ITFG1: variants seen among roughly 807,000 people sequenced by gnomAD.
ITFG1 encodes T-cell immunomodulatory protein.
ITFG1 carries 34 observed loss-of-function variants against 81.8 expected under a neutral mutation model. The observed-to-expected ratio is 0.42, with a 90% CI of 0.32 to 0.55. The LOEUF is 0.55. Among genes scored for constraint, ITFG1 ranks in the 20% least tolerant of loss-of-function variants. The pLI, the probability that ITFG1 is intolerant of heterozygous loss-of-function variation, is 0.17. For synonymous variants in ITFG1, 285 were observed against 270.6 expected, an observed-to-expected ratio of 1.05 and a Z score of -0.52; for missense variants, 672 against 755.4, an observed-to-expected ratio of 0.89 and a Z score of 1.29.
intron 12 of ITFG1, among the ~76,000 whole-genome samples, chr16:47,244,628 T>C (rs1965977264): frequency 6.7e-6 from 1 of 150,360 alleles, no homozygotes. Context: ...TGTGTGTGTG[T>C]GTGTGTGTGT....
chr16:47,441,109 C>G lies in ITFG1; in HGVS notation c.560+10287G>C, dbSNP rs570228383. On this transcript the variant is annotated intron_variant, in intron 5 of 17. Transcript: ENST00000320640. ...ATGGATAAATTCCTCGACACATACA[C>G]CCTCCCAAGACTAAACCAGGAAGAA... 3.9e-5 allele frequency among the ~76,000 whole-genome samples: 6 copies of G among 152,266 alleles called. No individual in the cohort carries two copies. In the East Asian group the frequency reaches 1.2e-3, roughly 29 times the overall value.
chr16:47,281,565 A>G (rs1285038931), intron 10 of ITFG1, among the ~76,000 whole-genome samples: 1 of 152,184 alleles, frequency 6.6e-6, no homozygotes, highest in Admixed American at 6.5e-5. Flanking sequence ...ATAGTTATAC[A>G]ATGGTTCCTA....
chr16:47,361,788 C>T (rs1461306708), intron 8 of ITFG1, among the ~76,000 whole-genome samples: 3 of 152,130 alleles, frequency 2.0e-5, no homozygotes, highest in Non-Finnish European at 4.4e-5. Flanking sequence ...TCTTCTTTTG[C>T]ATTATATTTT....
chr16:47,227,799 T>C (rs959840976), intron 13 of ITFG1, among the ~76,000 whole-genome samples: 3 of 152,210 alleles, frequency 2.0e-5, no homozygotes, highest in African/African-American at 7.2e-5. Flanking sequence ...ATAGCTATTA[T>C]ATGATAGAAA....
Position 47,218,929 on chromosome 16 carries a change from T to G in ITFG1, c.1392A>C (p.Gln464His), listed in dbSNP as rs536103526. Residue 464 changes from glutamine to histidine, a missense_variant, in exon 14 of 18, where the codon CAA (glutamine) becomes CAC (histidine). Transcript: ENST00000320640. ...TTGTATACATGATATAAGGTCCAGG[T>G]TGATTCACTCCAAAGGGCTGCAATA... ...PRKITPFGVN[Q>H]PGPYIMYTTV... 1.9e-5 allele frequency: 31 copies of G among 1,599,186 alleles called. No individual in the cohort carries two copies. Among genetic ancestry groups the G allele is most frequent in the Non-Finnish European group, 2.4e-5 (28 of 1,172,522 alleles).
chr16:47,381,054 A>G (rs1479134689), intron 6 of ITFG1, among the ~76,000 whole-genome samples: 1 of 152,224 alleles, frequency 6.6e-6, no homozygotes, highest in Non-Finnish European at 1.5e-5. Flanking sequence ...ATCTCCATTC[A>G]TAGCTTGAAA....
At chr16:47,397,690 A>G (rs1162986427) in intron 6 of ITFG1, among the ~76,000 whole-genome samples, 2 of 152,220 alleles carry the variant, frequency 1.3e-5, no homozygotes, top group Admixed American at 1.3e-4. Flanking sequence ...AAGTGTCAAC[A>G]GTACCACGAT....
chr16:47,211,929 CTT>C (rs879323306), intron 14 of ITFG1, among the ~76,000 whole-genome samples: 3 of 144,614 alleles, frequency 2.1e-5, no homozygotes, highest in Non-Finnish European at 1.5e-5. Flanking sequence ...TTTTTTCTTT[CTT>C]TTTTTTTTTG....
chr16:47,207,243 C>T (rs1443518685), intron 14 of ITFG1, among the ~76,000 whole-genome samples: 2 of 152,138 alleles, frequency 1.3e-5, no homozygotes, highest in Non-Finnish European at 2.9e-5. Flanking sequence ...CCACCATGCC[C>T]ATTTAATTTT....
At position 47,252,561 on chromosome 16, in the gene ITFG1, C is replaced by T. The variant is rs555323927; in HGVS notation, c.1330+6071G>A. On this transcript the variant is annotated intron_variant, in intron 12 of 17. Coordinates refer to ENST00000320640, the MANE Select transcript of ITFG1 (RefSeq NM_030790.5). The stretch of plus-strand genomic sequence containing the variant: ...CAGGAATAACAATAAAAGATGAGAG[C>T]TAGTAACTAGTCTTGATTCAGGGGA... Among the ~76,000 whole-genome samples the T allele has an allele frequency of 8.5e-5, 13 of 152,280 alleles. 1 individual carries two copies. The South Asian group carries it at 1.5e-3, about 17-fold the overall frequency.
chr16:47,237,122 C>T (rs1965886205), intron 13 of ITFG1, among the ~76,000 whole-genome samples: 1 of 152,148 alleles, frequency 6.6e-6, no homozygotes, highest in Non-Finnish European at 1.5e-5. Context: ...GAGGTGTTGC[C>T]CCCAGTTTGA....
intron 10 of ITFG1, among the ~76,000 whole-genome samples, chr16:47,288,696 C>T (rs1596863257): frequency 2.0e-5 from 3 of 151,976 alleles, no homozygotes; most frequent in Admixed American, 6.6e-5. Context: ...CTCAGGAGTT[C>T]GAGACTAGCC....
chr16:47,372,220 A>C (rs1968265060), intron 7 of ITFG1, among the ~76,000 whole-genome samples: 1 of 151,968 alleles, frequency 6.6e-6, no homozygotes, highest in African/African-American at 2.4e-5. Flanking sequence ...CAATTCCTTG[A>C]CATGTCTCTG....
intron 14 of ITFG1, among the ~76,000 whole-genome samples, chr16:47,165,642 T>C (rs1964879028): frequency 6.6e-6 from 1 of 152,196 alleles, no homozygotes; most frequent in Non-Finnish European, 1.5e-5. Context: ...CTCAGGACTT[T>C]TCAGACCAGC....
chr16:47,337,648 C>T (rs932370440), intron 8 of ITFG1, among the ~76,000 whole-genome samples: 2 of 152,218 alleles, frequency 1.3e-5, no homozygotes, highest in Non-Finnish European at 2.9e-5. Flanking sequence ...TGTGAACAAA[C>T]TGAAATGTCT....
intron 12 of ITFG1, among the ~76,000 whole-genome samples, chr16:47,255,408 G>T (rs993629860): frequency 3.3e-5 from 5 of 152,170 alleles, no homozygotes; most frequent in Admixed American, 3.3e-4. Context: ...GGGTAGACTT[G>T]AGAAGTTAAA....
At chr16:47,164,889 GGGCA>G (rs1964868593) in intron 14 of ITFG1, among the ~76,000 whole-genome samples, 1 of 152,238 alleles carries the variant, frequency 6.6e-6, no homozygotes, top group African/African-American at 2.4e-5. Flanking sequence ...TTGAGAAGGG[GGGCA>G]GGATGGGAAT....
chr16:47,461,064 G>A (rs1316721519), upstream of ITFG1: 6 of 1,514,054 alleles, frequency 4.0e-6, no homozygotes, highest in Non-Finnish European at 5.3e-6. Context: ...CTCAGCCCCC[G>A]CCCGCCGGCC....
In ITFG1 at chr16:47,313,744, T is replaced by A. The variant is rs765582456; in HGVS notation, c.882A>T (p.Arg294Ser). ...CTTGATATACCTGCTTCATCCCAGA[T>A]CTCACTAAGTAGATGGTACTCTTTT... Reference protein sequence around the residue: ...NCQKSTIYLVRSGMKQWVPVL... With the variant: ...NCQKSTIYLVSSGMKQWVPVL... Residue 294 changes from arginine (R) to serine (S), a missense_variant, in exon 9 of 18, where the codon AGA becomes AGT. This residue lies in a region of ITFG1 where 560 missense variants were observed against 625.7 expected (regional missense o/e 0.90). Transcript: ENST00000320640. 1 of 1,585,940 alleles carries A rather than the reference T, an allele frequency of 6.3e-7. No individual in the cohort carries two copies. The highest frequency in any genetic ancestry group is 8.6e-7 in the Non-Finnish European group (1 of 1,159,632).
Sources: allele counts gnomAD v4.1 joint callset (sites outside exome capture counted in the v4.1 genomes callset), GRCh38; gene constraint gnomAD v4.1.1; regional missense constraint gnomAD v4.1.1; transcripts MANE v1.5; gene names NCBI Gene and HGNC (gene_info 2026-07-23, HGNC 2026-07-21).